Variants in EIF4H observed in about 807,000 individuals in gnomAD.
The protein encoded by EIF4H is eukaryotic translation initiation factor 4H.
In EIF4H, 8 loss-of-function variants were observed where a neutral mutation model predicts 30.6. That is an observed-to-expected ratio of 0.26 (90% confidence interval 0.15 to 0.47). The LOEUF (loss-of-function observed/expected upper bound fraction) is 0.47, where lower values mean the gene tolerates loss of function less well. Ranked by LOEUF, EIF4H falls within the 20% of genes least tolerant of loss-of-function variation. The pLI is 0.99. For missense variants in EIF4H, 188 were observed against 339.5 expected (o/e 0.55, Z 3.51); for synonymous variants, 106 against 122.7 (o/e 0.86, Z 0.90).
chr7:74,187,719 C>A lies in EIF4H; in HGVS notation c.168C>A (p.Gly56=). The A allele has an allele frequency of 1.2e-6, 2 of 1,613,736 alleles. No homozygotes were observed. Among genetic ancestry groups the A allele is most frequent in the Non-Finnish European group, 1.7e-6 (2 of 1,179,816 alleles). The change falls in exon 2 of 7, where the codon GGC becomes GGA. Residue 56 remains glycine, a synonymous_variant. Coordinates refer to ENST00000265753, the MANE Select transcript of EIF4H (RefSeq NM_022170.2). ...VGNLPFNTVQ[G]DIDAIFKDLS... is the part of the protein sequence containing the mutation. Reference sequence around the variant, plus strand: ...ATCTACCTTTCAATACGGTTCAGGGCGACATAGATGCTATCTTTAAGGATC... The same window carrying A: ...ATCTACCTTTCAATACGGTTCAGGGAGACATAGATGCTATCTTTAAGGATC...
chr7:74,185,870 G>A lies in EIF4H; in HGVS notation c.60-1741G>A, dbSNP rs1192638194. 2.6e-5 allele frequency among the ~76,000 whole-genome samples: 4 copies of A among 152,018 alleles called. No homozygotes were observed. The East Asian group carries it at 7.7e-4, about 29-fold the overall frequency. On this transcript the variant is annotated intron_variant, in intron 1 of 6. Transcript: ENST00000265753. ...AAAAACTGCAGTTGGCTGCCAGCAC[G>A]GTATTCTTGGAGCAAACAGGAAATG...
intron 1 of EIF4H, among the ~76,000 whole-genome samples, chr7:74,178,141 A>G (rs576095151): frequency 6.6e-5 from 10 of 152,072 alleles, no homozygotes; most frequent in African/African-American, 2.2e-4. Context: ...GAGTGTCTCT[A>G]TGTTGCCCAG....
intron 1 of EIF4H, among the ~76,000 whole-genome samples, chr7:74,181,377 T>C (rs1300017064): frequency 1.3e-5 from 2 of 152,178 alleles, no homozygotes; most frequent in Admixed American, 6.6e-5. Context: ...TCAATTTTTA[T>C]GGCTACCGTA....
At chr7:74,182,228 C>T (rs2115950075) in intron 1 of EIF4H, among the ~76,000 whole-genome samples, 1 of 152,244 alleles carries the variant, frequency 6.6e-6, no homozygotes, top group South Asian at 2.1e-4. Context: ...GACCTGTATA[C>T]CCATTACCTA....
At chr7:74,186,847 G>A (rs1402308868) in intron 1 of EIF4H, among the ~76,000 whole-genome samples, 7 of 106,044 alleles carry the variant, frequency 6.6e-5, no homozygotes, top group Admixed American at 5.3e-4. Context: ...TTTTGAGACG[G>A]AGTCTCTGTC....
At chr7:74,187,040 G>T (rs560095174) in intron 1 of EIF4H, among the ~76,000 whole-genome samples, 1 of 152,146 alleles carries the variant, frequency 6.6e-6, no homozygotes, top group Admixed American at 6.5e-5. Context: ...TAGAACCACG[G>T]TGTGTGAAGG....
Position 74,174,369 on chromosome 7 carries a change from G to T in EIF4H, c.-15G>T, listed in dbSNP as rs781987366. The T allele has an allele frequency of 6.9e-7, 1 of 1,449,116 alleles. No individual in the cohort carries two copies. Among genetic ancestry groups the T allele is most frequent in the South Asian group, 1.4e-5 (1 of 71,220 alleles). 89.8% of individuals were successfully genotyped at this position (1,449,116 alleles called of 1,614,324 possible). Reference sequence around the variant, plus strand: ...TCCTCGCTCACCCTGGTTCCTCTCGGAGCGGAGACGGCAAATGGCGGACTT... The same window carrying T: ...TCCTCGCTCACCCTGGTTCCTCTCGTAGCGGAGACGGCAAATGGCGGACTT... On this transcript the variant is annotated 5_prime_UTR_variant, in exon 1 of 7. Coordinates refer to ENST00000265753, the MANE Select transcript of EIF4H (RefSeq NM_022170.2).
chr7:74,183,768 A>ATT (rs1801018111), intron 1 of EIF4H: 1 of 152,130 alleles, frequency 6.6e-6, no homozygotes, highest in African/African-American at 2.4e-5. Flanking sequence ...ATGTCATCCT[A>ATT]TGTGATGTGT....
In EIF4H at chr7:74,195,693, T is replaced by C. The variant is rs1554710644; in HGVS notation, c.*385T>C. On this transcript the variant is annotated 3_prime_UTR_variant, in exon 7 of 7. Coordinates refer to ENST00000265753, the MANE Select transcript of EIF4H (RefSeq NM_022170.2). Reference sequence around the variant, plus strand: ...TTTGCTTTCTCTTTACTTTAGACACTGGCCCAACTCCAGGCGTTTCCTTTC... The same window carrying C: ...TTTGCTTTCTCTTTACTTTAGACACCGGCCCAACTCCAGGCGTTTCCTTTC... The C allele has an allele frequency of 5.8e-6, 1 of 170,994 alleles. No homozygotes were observed. Among genetic ancestry groups the C allele is most frequent in the Non-Finnish European group, 1.3e-5 (1 of 78,666 alleles). The allele number at this position is 170,994 out of a possible 1,614,324, so 10.6% of individuals were successfully genotyped here.
chr7:74,194,569 C>A (rs546164455), intron 5 of EIF4H, among the ~76,000 whole-genome samples, 172 bp from the exon 6 acceptor site: 2 of 152,222 alleles, frequency 1.3e-5, no homozygotes, highest in African/African-American at 2.4e-5. Flanking sequence ...GTCATTACTC[C>A]ACACATTGGC....
Position 74,195,316 on chromosome 7 carries a change from G to T in EIF4H, c.*8G>T. The T allele has an allele frequency of 1.2e-6, 2 of 1,612,916 alleles. No homozygotes were observed. Among genetic ancestry groups the T allele is most frequent in the Non-Finnish European group, 8.5e-7 (1 of 1,179,484 alleles). On this transcript the variant is annotated 3_prime_UTR_variant, in exon 7 of 7. Transcript: ENST00000265753. ...CAAAAGGAGCAAGAATGAGCCTGCGGTTGGGAGGGAATGGGGCGTGGGGGG... is the reference window on the plus strand; with the variant it reads ...CAAAAGGAGCAAGAATGAGCCTGCGTTTGGGAGGGAATGGGGCGTGGGGGG...
chr7:74,192,962 G>A (rs1408131780), intron 5 of EIF4H, among the ~76,000 whole-genome samples: 2 of 151,982 alleles, frequency 1.3e-5, no homozygotes, highest in Non-Finnish European at 2.9e-5. Flanking sequence ...ACAGGCGTGA[G>A]CCACCACACC....
chr7:74,175,092 G>A (rs534107924), intron 1 of EIF4H, among the ~76,000 whole-genome samples: 36 of 152,338 alleles, frequency 2.4e-4, no homozygotes, highest in Non-Finnish European at 4.1e-4. Context: ...CAGGTGCTAC[G>A]TGCTCTTTGG....
At chr7:74,186,917 C>A (rs1234497302) in intron 1 of EIF4H, among the ~76,000 whole-genome samples, 1 of 141,182 alleles carries the variant, frequency 7.1e-6, no homozygotes, top group African/African-American at 2.6e-5. Context: ...TTCCCAGGTT[C>A]AAGCGGTAGG....
At chr7:74,185,545 T>C (rs1801062628) in intron 1 of EIF4H, among the ~76,000 whole-genome samples, 1 of 152,120 alleles carries the variant, frequency 6.6e-6, no homozygotes, top group African/African-American at 2.4e-5. Flanking sequence ...GTACCGGAAT[T>C]GTGAATTATG....
At chr7:74,189,122 C>T (rs528872586) in intron 2 of EIF4H, among the ~76,000 whole-genome samples, 44 of 152,274 alleles carry the variant, frequency 2.9e-4, no homozygotes, top group African/African-American at 8.4e-4. Flanking sequence ...CCCCTGGCAT[C>T]AGGGACACAG....
rs1554707312 is a variant in EIF4H, at chr7:74,174,376, G to A, written c.-8G>A. The A allele has an allele frequency of 3.4e-6, 5 of 1,455,092 alleles. No homozygotes were observed. Among genetic ancestry groups the A allele is most frequent in the African/African-American group, 1.5e-5 (1 of 68,528 alleles). 90.1% of individuals were successfully genotyped at this position (1,455,092 alleles called of 1,614,324 possible). ...TCACCCTGGTTCCTCTCGGAGCGGA[G>A]ACGGCAAATGGCGGACTTCGACACC... On this transcript the variant is annotated 5_prime_UTR_variant, in exon 1 of 7. Transcript: ENST00000265753.
At chr7:74,186,159 C>T (rs782153566) in intron 1 of EIF4H, among the ~76,000 whole-genome samples, 2 of 151,874 alleles carry the variant, frequency 1.3e-5, no homozygotes, top group Admixed American at 6.6e-5. Flanking sequence ...GACTTTAAGT[C>T]GTTCCTGGGG....
At chr7:74,192,764 G>A (rs369133818) in intron 5 of EIF4H, among the ~76,000 whole-genome samples, 3 of 137,372 alleles carry the variant, frequency 2.2e-5, no homozygotes, top group East Asian at 2.2e-4. Context: ...TGCAATCTCC[G>A]CCTCCAGGGT....
Sources: allele counts gnomAD v4.1 joint callset (sites outside exome capture counted in the v4.1 genomes callset), GRCh38; gene constraint gnomAD v4.1.1; transcripts MANE v1.5; gene names NCBI Gene and HGNC (gene_info 2026-07-23, HGNC 2026-07-21).